Variants in ATXN1 observed in about 807,000 individuals in gnomAD.
The protein encoded by ATXN1 is ataxin 1.
In ATXN1, 8 loss-of-function variants were observed where a neutral mutation model predicts 56.4. The ratio of observed to expected loss-of-function variants is 0.14; its 90% CI spans 0.08 to 0.26. The LOEUF (loss-of-function observed/expected upper bound fraction) is 0.26. ATXN1 is among the 10% of genes least tolerant of loss of function. The probability of loss-of-function intolerance (pLI) is 1.00; values close to 1 mark genes in which losing one functional copy is unlikely to be tolerated. For synonymous variants in ATXN1, 514 were observed against 494.6 expected, an observed-to-expected ratio of 1.04 and a Z score of -0.52; for missense variants, 987 against 1,106.5, an observed-to-expected ratio of 0.89 and a Z score of 1.53.
intron 3 of ATXN1, among the ~76,000 whole-genome samples, chr6:16,645,965 A>G (rs1274099531): frequency 6.6e-6 from 1 of 152,168 alleles, no homozygotes; most frequent in Non-Finnish European, 1.5e-5. Flanking sequence ...CATGCCCATA[A>G]TCCCAGCACT....
At chr6:16,540,393 A>C (rs113921124) in intron 4 of ATXN1, among the ~76,000 whole-genome samples, 5,893 of 152,122 alleles carry the variant, frequency 0.039, 378 homozygotes, top group African/African-American at 0.13. Flanking sequence ...TTATATTTTT[A>C]GTAGAGACGG....
intron 4 of ATXN1, among the ~76,000 whole-genome samples, chr6:16,529,213 T>G (rs949665355): frequency 7.3e-5 from 11 of 150,734 alleles, no homozygotes; most frequent in African/African-American, 1.2e-4. Context: ...TTTTTGTTTT[T>G]TTTTTTTTTT....
In ATXN1 at chr6:16,584,436, T is replaced by C. The variant is rs1055492691; in HGVS notation, c.-361+1344A>G. On this transcript the variant is annotated intron_variant, in intron 4 of 7. Coordinates refer to ENST00000436367, the MANE Select transcript of ATXN1 (RefSeq NM_001128164.2). ...AAAAATTATGCTTTCCACTGAAAAA[T>C]GATTGTATCTAGTGATTTCATAGTT... Among the ~76,000 whole-genome samples the C allele has an allele frequency of 2.6e-5, 4 of 152,040 alleles. No homozygotes were observed. The East Asian group carries it at 5.8e-4, about 22-fold the overall frequency.
At chr6:16,689,544 G>A (rs1383554311) in intron 2 of ATXN1, among the ~76,000 whole-genome samples, 1 of 98,092 alleles carries the variant, frequency 1.0e-5, no homozygotes, top group African/African-American at 4.0e-5. Flanking sequence ...TTGTAGAGAT[G>A]GAGTCTCCCT....
At chr6:16,436,877 C>T (rs1301160724) in intron 6 of ATXN1, among the ~76,000 whole-genome samples, 18 of 152,132 alleles carry the variant, frequency 1.2e-4, no homozygotes, top group Non-Finnish European at 2.5e-4. Flanking sequence ...AGGAGATATT[C>T]TGAGAAGAAG....
In ATXN1 at chr6:16,345,118, T is replaced by C. The variant is rs565642933; in HGVS notation, c.-160-16648A>G. On this transcript the variant is annotated intron_variant, in intron 6 of 7. Coordinates refer to ENST00000436367, the MANE Select transcript of ATXN1 (RefSeq NM_001128164.2). ...AAAAGGCAAAGGATTTCTGGATCAT[T>C]TTCTAGATTTTGGATGTGATGATAA... Among the ~76,000 whole-genome samples, 210 of 152,308 alleles carry C rather than the reference T, an allele frequency of 1.4e-3. 1 individual carries two copies. The highest frequency in any genetic ancestry group is 2.0e-3 in the Non-Finnish European group (136 of 68,028).
chr6:16,695,482 A>G (rs970155534), intron 2 of ATXN1, among the ~76,000 whole-genome samples: 1 of 152,182 alleles, frequency 6.6e-6, no homozygotes, highest in African/African-American at 2.4e-5. Context: ...TGAACAGGTC[A>G]TCATCTCCCA....
intron 6 of ATXN1, among the ~76,000 whole-genome samples, chr6:16,476,390 C>T (rs186220704): frequency 2.5e-4 from 38 of 152,208 alleles, no homozygotes; most frequent in Admixed American, 1.2e-3. Flanking sequence ...GAATTTGAAG[C>T]TTCTAACTTT....
rs115470191 is a variant in ATXN1, at chr6:16,729,633, A to C, written c.-615+23600T>G. ...TTTAGCACCATGTTGCAATCCAGCC[A>C]TCCAACCCTCATGGAGGTCTCTGAG... is the stretch of plus-strand genomic sequence containing the variant. On this transcript the variant is annotated intron_variant, in intron 2 of 7. Coordinates refer to ENST00000436367, the MANE Select transcript of ATXN1 (RefSeq NM_001128164.2). Among the ~76,000 whole-genome samples the C allele has an allele frequency of 1.6e-3, 239 of 152,348 alleles. 2 individuals are homozygous for C. The highest frequency in any genetic ancestry group is 5.3e-3 in the African/African-American group (220 of 41,584).
intron 3 of ATXN1, among the ~76,000 whole-genome samples, chr6:16,621,322 G>A (rs777271004): frequency 6.6e-6 from 1 of 152,260 alleles, no homozygotes; most frequent in Non-Finnish European, 1.5e-5. Context: ...TTAGCTGCAA[G>A]AGGCTGAAAT....
At chr6:16,392,596 A>C (rs1758377786) in intron 6 of ATXN1, among the ~76,000 whole-genome samples, 1 of 152,120 alleles carries the variant, frequency 6.6e-6, no homozygotes. Context: ...TCTAGGTTCA[A>C]GCGATTCTCC....
At chr6:16,752,585 T>C (rs1471641202) in intron 2 of ATXN1, among the ~76,000 whole-genome samples, 1 of 152,208 alleles carries the variant, frequency 6.6e-6, no homozygotes, top group Non-Finnish European at 1.5e-5. Flanking sequence ...AACCCTTGTG[T>C]TCCCAAGCCC....
At chr6:16,685,761 C>CT (rs1407682279) in intron 2 of ATXN1, among the ~76,000 whole-genome samples, 1 of 152,108 alleles carries the variant, frequency 6.6e-6, no homozygotes, top group Non-Finnish European at 1.5e-5. Context: ...ACTGTAAAAA[C>CT]TAAAATGTTC....
intron 6 of ATXN1, among the ~76,000 whole-genome samples, chr6:16,331,009 T>G (rs910226917): frequency 6.8e-6 from 1 of 147,552 alleles, no homozygotes; most frequent in Admixed American, 6.8e-5. Context: ...AACCCAGGTG[T>G]TTTTTTTTTG....
intron 6 of ATXN1, among the ~76,000 whole-genome samples, chr6:16,381,686 T>C (rs1214438109): frequency 1.3e-5 from 2 of 152,328 alleles, no homozygotes; most frequent in South Asian, 2.1e-4. Context: ...AAAATTCCCA[T>C]TGCAAGTTAA....
In ATXN1 at chr6:16,705,306, T is replaced by C. The variant is rs1249859578; in HGVS notation, c.-614-47405A>G. 2.6e-5 allele frequency among the ~76,000 whole-genome samples: 4 copies of C among 152,312 alleles called. No homozygotes were observed. In the East Asian group the frequency reaches 7.7e-4, roughly 29 times the overall value. On this transcript the variant is annotated intron_variant, in intron 2 of 7. Coordinates refer to ENST00000436367, the MANE Select transcript of ATXN1 (RefSeq NM_001128164.2). ...AGATATAAGGATACCTCGTCCTCTGTGAGGTGACTCAACAGTCACAGACCC... is the reference window on the plus strand; with the variant it reads ...AGATATAAGGATACCTCGTCCTCTGCGAGGTGACTCAACAGTCACAGACCC...
chr6:16,531,292 C>G (rs971248254), intron 4 of ATXN1, among the ~76,000 whole-genome samples: 1 of 152,188 alleles, frequency 6.6e-6, no homozygotes, highest in Admixed American at 6.5e-5. Flanking sequence ...GGAAATATCA[C>G]AGAGGAAAGG....
intron 6 of ATXN1, among the ~76,000 whole-genome samples, chr6:16,371,588 G>GC (rs1762043747): frequency 6.6e-6 from 1 of 152,030 alleles, no homozygotes; most frequent in Non-Finnish European, 1.5e-5. Flanking sequence ...ACAGGGTCTT[G>GC]CTCTGTTGCA....
intron 5 of ATXN1, among the ~76,000 whole-genome samples, chr6:16,487,231 G>A (rs751514135): frequency 2.0e-5 from 3 of 151,930 alleles, no homozygotes; most frequent in Non-Finnish European, 4.4e-5. Flanking sequence ...ATACATCATC[G>A]ACAAAGGCCA....
Sources: gnomAD v4.1 joint callset for allele counts (sites outside exome capture counted in the v4.1 genomes callset) on GRCh38, gnomAD v4.1.1 for gene constraint, MANE v1.5 for transcripts, NCBI Gene and HGNC (gene_info 2026-07-23, HGNC 2026-07-21) for gene names.